The following NEDD4L variants were observed in gnomAD, a reference collection of about 807,000 sequenced individuals.
The protein encoded by NEDD4L is NEDD4 like E3 ubiquitin protein ligase.
A neutral mutation model predicts 148.9 loss-of-function variants in NEDD4L; 54 were observed. The ratio of observed to expected loss-of-function variants is 0.36; its 90% CI spans 0.29 to 0.45. The LOEUF (loss-of-function observed/expected upper bound fraction) is 0.45. NEDD4L is among the 20% of genes least tolerant of loss of function. The pLI is 1.00. For synonymous variants in NEDD4L, 433 were observed against 440.7 expected, an observed-to-expected ratio of 0.98 and a Z score of 0.22; for missense variants, 856 against 1,233.8, an observed-to-expected ratio of 0.69 and a Z score of 4.59.
chr18:58,396,358 C>G lies in NEDD4L; in HGVS notation c.*89C>G. On this transcript the variant is annotated 3_prime_UTR_variant, in exon 31 of 31. Coordinates refer to ENST00000400345, the MANE Select transcript of NEDD4L (RefSeq NM_001144967.3). The stretch of plus-strand genomic sequence containing the variant: ...TAACAGACTTTTGCAGAGGCGATGG[C>G]AGAGAGCAGCTGCAGGCATGGTCCC... The G allele has an allele frequency of 2.4e-6, 2 of 837,848 alleles. No individual in the cohort carries two copies. Among genetic ancestry groups the G allele is most frequent in the Non-Finnish European group, 3.9e-6 (2 of 506,558 alleles). The allele number at this position is 837,848 out of a possible 1,614,324, so 51.9% of individuals were successfully genotyped here.
At chr18:58,310,529 G>A (rs1355394752) in intron 5 of NEDD4L, among the ~76,000 whole-genome samples, 1 of 152,186 alleles carries the variant, frequency 6.6e-6, no homozygotes, top group South Asian at 2.1e-4. Context: ...GGTAATTTCA[G>A]TGACATATTT....
chr18:58,294,624 T>G (rs938899286), intron 5 of NEDD4L, among the ~76,000 whole-genome samples: 1 of 152,196 alleles, frequency 6.6e-6, no homozygotes, highest in African/African-American at 2.4e-5. Flanking sequence ...TTTTTGCCTT[T>G]TATTTTTTGA....
intron 1 of NEDD4L, among the ~76,000 whole-genome samples, chr18:58,123,046 A>G (rs1286945374): frequency 6.6e-6 from 1 of 152,056 alleles, no homozygotes; most frequent in Non-Finnish European, 1.5e-5. Flanking sequence ...CTGACTGTTT[A>G]TATCTGTTAT....
chr18:58,104,915 G>T (rs1396450250), intron 1 of NEDD4L, among the ~76,000 whole-genome samples: 1 of 151,204 alleles, frequency 6.6e-6, no homozygotes, highest in Non-Finnish European at 1.5e-5. Context: ...TTGTTGCAGG[G>T]AGGATTCTGA....
At chr18:58,274,248 A>G (rs890014173) in intron 5 of NEDD4L, among the ~76,000 whole-genome samples, 5 of 152,028 alleles carry the variant, frequency 3.3e-5, no homozygotes, top group African/African-American at 7.2e-5. Flanking sequence ...CCGTCTCCAC[A>G]CTCCTGAGAG....
chr18:58,277,672 A>G (rs2052344426), intron 5 of NEDD4L, among the ~76,000 whole-genome samples: 1 of 152,120 alleles, frequency 6.6e-6, no homozygotes, highest in Non-Finnish European at 1.5e-5. Context: ...TTGACCTGAA[A>G]TTTATTTTTA....
chr18:58,162,132 A>G (rs924055730), intron 1 of NEDD4L, among the ~76,000 whole-genome samples: 4 of 152,062 alleles, frequency 2.6e-5, no homozygotes, highest in East Asian at 1.9e-4. Context: ...TCTCTCTCCA[A>G]TTGTTCTCCC....
chr18:58,130,863 T>C (rs576109), intron 1 of NEDD4L, among the ~76,000 whole-genome samples: 24 of 133,712 alleles, frequency 1.8e-4, no homozygotes, highest in South Asian at 5.3e-4. Flanking sequence ...TGTGATCTAG[T>C]GGAACTGTGG....
intron 5 of NEDD4L, 74 bp from the exon 6 acceptor site, chr18:58,315,908 A>G (rs970554451): frequency 2.3e-6 from 3 of 1,313,352 alleles, no homozygotes; most frequent in Non-Finnish European, 3.3e-6. Flanking sequence ...TCTATTCATG[A>G]TAAAACATTT....
At chr18:58,109,122 A>G (rs760606515) in intron 1 of NEDD4L, among the ~76,000 whole-genome samples, 3 of 152,246 alleles carry the variant, frequency 2.0e-5, no homozygotes, top group Non-Finnish European at 4.4e-5. Flanking sequence ...CAACAATTGA[A>G]GTCTGAGAAC....
chr18:58,049,187 G>A (rs1049797814), intron 1 of NEDD4L, among the ~76,000 whole-genome samples: 3 of 152,186 alleles, frequency 2.0e-5, no homozygotes, highest in East Asian at 3.8e-4. Context: ...TTAAGTCAAC[G>A]AGTAGTCAGA....
At chr18:58,308,076 A>G (rs2057268987) in intron 5 of NEDD4L, among the ~76,000 whole-genome samples, 1 of 152,214 alleles carries the variant, frequency 6.6e-6, no homozygotes, top group Non-Finnish European at 1.5e-5. Flanking sequence ...CAGAAGCACA[A>G]AATTAAACAA....
intron 2 of NEDD4L, among the ~76,000 whole-genome samples, chr18:58,210,323 A>C (rs1230456776): frequency 6.6e-6 from 1 of 152,254 alleles, no homozygotes; most frequent in African/African-American, 2.4e-5. Flanking sequence ...ACAAATTACC[A>C]AAGTTGATCC....
At chr18:58,352,435 A>G (rs781679568) in intron 18 of NEDD4L, among the ~76,000 whole-genome samples, 4 of 152,112 alleles carry the variant, frequency 2.6e-5, no homozygotes, top group Non-Finnish European at 5.9e-5. Flanking sequence ...TGGGAGGATC[A>G]GTTGAGGTCA....
chr18:58,245,924 C>G (rs976431638), intron 3 of NEDD4L, among the ~76,000 whole-genome samples: 2 of 148,978 alleles, frequency 1.3e-5, no homozygotes, highest in Admixed American at 1.3e-4. Context: ...CCTTGAACTC[C>G]TGACCTCAGG....
Position 58,366,832 on chromosome 18 carries a change from T to G in NEDD4L, c.2063+604T>G, listed in dbSNP as rs1174885339. Among the ~76,000 whole-genome samples the G allele has an allele frequency of 6.6e-6, 1 of 152,218 alleles. No homozygotes were observed. The highest frequency in any genetic ancestry group is 2.4e-5 in the African/African-American group (1 of 41,462). ...GGTTGGGCAGTACCCAAGCCCCCAG[T>G]AGAATAGTCATTGACCTTGCTGAAG... On this transcript the variant is annotated intron_variant, in intron 21 of 30. Transcript: ENST00000400345. This position sits in a 1 kb window ranked among gnomAD's most constrained non-coding sequence, Gnocchi z 4.2.
chr18:58,220,215 G>T (rs2043586462), intron 2 of NEDD4L, among the ~76,000 whole-genome samples: 1 of 152,182 alleles, frequency 6.6e-6, no homozygotes, highest in African/African-American at 2.4e-5. Context: ...AGGAGTTCCA[G>T]ACCAGCCTTG....
Position 58,366,172 on chromosome 18 carries a change from C to T in NEDD4L, c.2007C>T (p.Phe669=). Residue 669 remains phenylalanine (F), a synonymous_variant, in exon 21 of 31, where the codon TTC becomes TTT. Transcript: ENST00000400345. The surrounding 1 kb of genome is among the most constrained non-coding windows in gnomAD (Gnocchi z 4.2). ...DYGGVAREWF[F]LLSKEMFNPY... is the part of the protein sequence containing the mutation. ...GGGGTGTGGCCAGAGAATGGTTCTT[C>T]TTACTGTCCAAAGAGATGTTCAACC... 1.2e-6 allele frequency: 2 copies of T among 1,613,422 alleles called. No individual in the cohort carries two copies. The highest frequency in any genetic ancestry group is 1.7e-6 in the Non-Finnish European group (2 of 1,179,686).
intron 1 of NEDD4L, among the ~76,000 whole-genome samples, chr18:58,056,894 C>CTTTTTTTTTT (rs74183230): frequency 0.015 from 1,838 of 120,520 alleles, 4 homozygotes; most frequent in East Asian, 0.034. Context: ...GCTATGCCCT[C>CTTTTTTTTTT]TTTTTTTTTT....
Sources: gnomAD v4.1 joint callset for allele counts (sites outside exome capture counted in the v4.1 genomes callset) on GRCh38, gnomAD v4.1.1 for gene constraint, Gnocchi (gnomAD v3.1) non-coding constraint, MANE v1.5 for transcripts, NCBI Gene and HGNC (gene_info 2026-07-23, HGNC 2026-07-21) for gene names.